BTBD6: variants seen among roughly 807,000 people sequenced by gnomAD.
The protein encoded by BTBD6 is BTB domain containing 6, also known as BTB/POZ domain-containing protein 6.
A neutral mutation model predicts 40.6 loss-of-function variants in BTBD6; 30 were observed. The ratio of observed to expected loss-of-function variants is 0.74; its 90% CI spans 0.55 to 1.00. The LOEUF is 1.00. BTBD6 is among the 50% of genes least tolerant of loss of function. The pLI is 0.00. For missense variants in BTBD6, 698 were observed against 694.6 expected (o/e 1.00, Z -0.06); for synonymous variants, 378 against 308.7 (o/e 1.22, Z -2.35).
Position 105,249,029 on chromosome 14 carries a change from CA to C in BTBD6, c.320del (p.Asn107ThrfsTer85). Reference protein sequence around the residue: ...PPAPAPPTLGNNHQESPGWRC... With the variant: ...PPAPAPPTLGXNHQESPGWRC... ...CCGCGCCCGCGCCGCCCACACTCGG[CA>C]ACAACCACCAGGAGAGCCCCGGCTG... is the stretch of plus-strand genomic sequence containing the variant. On this transcript the variant is annotated frameshift_variant, in exon 1 of 4. Transcript: ENST00000392554. LOFTEE classifies it high-confidence loss of function. The C allele has an allele frequency of 2.5e-6, 3 of 1,190,200 alleles. No individual in the cohort carries two copies. The highest frequency in any genetic ancestry group is 3.1e-6 in the Non-Finnish European group (3 of 964,224). 73.7% of individuals were successfully genotyped at this position (1,190,200 alleles called of 1,614,324 possible). A position where few individuals can be genotyped will look rare whatever the true frequency, so the allele number is the denominator to read the frequency against.
chr14:105,249,277 G>T (rs1171751384), intron 2 of BTBD6, 30 bp downstream of exon 2: 12 of 1,564,594 alleles, frequency 7.7e-6, no homozygotes, highest in South Asian at 1.1e-5. Context: ...CTCGGAACGC[G>T]TGCCCCGTCC....
At position 105,249,701 on chromosome 14, in the gene BTBD6, G is replaced by A; in HGVS notation, c.646G>A (p.Ala216Thr). Residue 216 changes from alanine (A) to threonine (T), a missense_variant, in exon 4 of 4, where the codon GCT (alanine) becomes ACT (threonine). Coordinates refer to ENST00000392554, the MANE Select transcript of BTBD6 (RefSeq NM_001387567.1). ...ADTVLATLYAAKKYIVPALAK... is the reference protein window; with the variant it reads ...ADTVLATLYATKKYIVPALAK... ...CACGGTGCTGGCCACTCTGTACGCT[G>A]CTAAGAAGTACATCGTCCCAGCATT... The A allele has an allele frequency of 1.2e-6, 2 of 1,613,760 alleles. No individual in the cohort carries two copies. Among genetic ancestry groups the A allele is most frequent in the East Asian group, 2.2e-5 (1 of 44,890 alleles).
In BTBD6 at chr14:105,248,563, ACGGGCTCGGGCGGG is replaced by A. The variant is rs1452837791; in HGVS notation, c.-143_-130del. The A allele has an allele frequency of 1.5e-5, 4 of 263,628 alleles. No homozygotes were observed. Among genetic ancestry groups the A allele is most frequent in the African/African-American group, 5.0e-5 (1 of 20,108 alleles). The allele number at this position is 263,628 out of a possible 1,614,324, so 16.3% of individuals were successfully genotyped here. A position where few individuals can be genotyped will look rare whatever the true frequency, so the allele number is the denominator to read the frequency against. ...GTGACGCACCGGCGCCGCGGCGGGT[ACGGGCTCGGGCGGG>A]CGGGCGGGCGGGACGGCGCCCCCCG... On this transcript the variant is annotated 5_prime_UTR_variant, in exon 1 of 4. Transcript: ENST00000392554.
Position 105,250,797 on chromosome 14 carries a change from G to A in BTBD6, c.*125G>A, listed in dbSNP as rs999768628. The A allele has an allele frequency of 6.8e-6, 7 of 1,034,094 alleles. No homozygotes were observed. Among genetic ancestry groups the A allele is most frequent in the Non-Finnish European group, 9.8e-6 (7 of 715,456 alleles). The allele number at this position is 1,034,094 out of a possible 1,614,324, so 64.1% of individuals were successfully genotyped here. On this transcript the variant is annotated 3_prime_UTR_variant, in exon 4 of 4. Transcript: ENST00000392554. ...TCTCTTTGACATGTAGTCAGCTGAAGCTTGACTGTGTAGAGACATTTTCCA... is the reference window on the plus strand; with the variant it reads ...TCTCTTTGACATGTAGTCAGCTGAAACTTGACTGTGTAGAGACATTTTCCA...
At chr14:105,249,613 C>T (rs765335615) in intron 3 of BTBD6, 27 bp from the exon 4 acceptor site, 4 of 1,592,076 alleles carry the variant, frequency 2.5e-6, no homozygotes, top group South Asian at 1.1e-5. Flanking sequence ...GGGAGCCAGC[C>T]CCTGACGCGG....
rs753336338 is a variant in BTBD6, at chr14:105,249,493, C to T, written c.584+15C>T. On this transcript the variant is annotated intron_variant, in intron 3 of 3. Transcript: ENST00000392554. The stretch of plus-strand genomic sequence containing the variant: ...ATCCTCTTAAAGTAAGTCCACTCTA[C>T]TGGGGAGGGACGGGTGGGTCCGTTT... 2 of 1,019,028 alleles carry T rather than the reference C, an allele frequency of 2.0e-6. No individual in the cohort carries two copies. The highest frequency in any genetic ancestry group is 1.5e-6 in the Non-Finnish European group (1 of 678,882). 63.1% of individuals were successfully genotyped at this position (1,019,028 alleles called of 1,614,324 possible).
At position 105,249,671 on chromosome 14, in the gene BTBD6, G is replaced by C; in HGVS notation, c.616G>C (p.Ala206Pro). The C allele has an allele frequency of 6.2e-7, 1 of 1,613,068 alleles. No individual in the cohort carries two copies. The highest frequency in any genetic ancestry group is 1.3e-5 in the African/African-American group (1 of 75,052). The change falls in exon 4 of 4, where the codon GCC (alanine) becomes CCC (proline). Residue 206 changes from alanine to proline, a missense_variant. Transcript: ENST00000392554. ...GTACAGTGATGAGATCGATCTGGAAGCCGACACGGTGCTGGCCACTCTGTA... is the reference window on the plus strand; with the variant it reads ...GTACAGTGATGAGATCGATCTGGAACCCGACACGGTGCTGGCCACTCTGTA... ...YMYSDEIDLE[A>P]DTVLATLYAA...
Position 105,249,356 on chromosome 14 carries a change from C to T in BTBD6, c.466-4C>T, listed in dbSNP as rs1263750580. On this transcript the variant is annotated splice_region_variant and splice_polypyrimidine_tract_variant and intron_variant, in intron 2 of 3. Transcript: ENST00000392554. ...AGGCTCACGGCGGCGCTTTCTCCTC[C>T]CAGTACGTCTTGGCTGTCGGCAGCT... is the stretch of plus-strand genomic sequence containing the variant. 1.9e-6 allele frequency: 3 copies of T among 1,610,118 alleles called. No individual in the cohort carries two copies. In the South Asian group the frequency reaches 3.3e-5, roughly 18 times the overall value.
In BTBD6 at chr14:105,248,956, C is replaced by CCGGGCCGCG. The variant is rs2055363566; in HGVS notation, c.247_255dup (p.Gly83_Arg85dup). Reference sequence around the variant, plus strand: ...GCCGGCGCCGCCGTGGGCAGGAAGGCCGGGCCGCGCAGCCCGCCCAGCGCC... The same window carrying CCGGGCCGCG: ...GCCGGCGCCGCCGTGGGCAGGAAGGCCGGGCCGCGCGGGCCGCGCAGCCCGCCCAGCGCC... On this transcript the variant is annotated inframe_insertion, in exon 1 of 4. Coordinates refer to ENST00000392554, the MANE Select transcript of BTBD6 (RefSeq NM_001387567.1). 1 of 980,032 alleles carries CCGGGCCGCG rather than the reference C, an allele frequency of 1.0e-6. No homozygotes were observed. Among genetic ancestry groups the CCGGGCCGCG allele is most frequent in the African/African-American group, 1.8e-5 (1 of 56,248 alleles). 60.7% of individuals were successfully genotyped at this position (980,032 alleles called of 1,614,324 possible).
Position 105,250,092 on chromosome 14 carries a change from T to C in BTBD6, c.1037T>C (p.Phe346Ser), listed in dbSNP as rs767685042. The C allele has an allele frequency of 2.5e-6, 4 of 1,612,964 alleles. No individual in the cohort carries two copies. Among genetic ancestry groups the C allele is most frequent in the Non-Finnish European group, 3.4e-6 (4 of 1,180,028 alleles). Reference protein sequence around the residue: ...VRIPTMTLEEFANGAAQSDIL... With the variant: ...VRIPTMTLEESANGAAQSDIL... ...ATTCCAACCATGACCCTAGAGGAGTTTGCCAACGGCGCTGCCCAGTCAGAC... is the reference window on the plus strand; with the variant it reads ...ATTCCAACCATGACCCTAGAGGAGTCTGCCAACGGCGCTGCCCAGTCAGAC... Residue 346 changes from phenylalanine to serine, a missense_variant, in exon 4 of 4, where the codon TTT (phenylalanine) becomes TCT (serine). Transcript: ENST00000392554.
At chr14:105,249,278 TGCCCCGTCC>T (rs753452209) in intron 2 of BTBD6, 31 bp downstream of exon 2, 1,965 of 1,564,942 alleles carry the variant, frequency 1.3e-3, no homozygotes, top group Non-Finnish European at 1.6e-3. Context: ...TCGGAACGCG[TGCCCCGTCC>T]GCCCCGTCCG....
intron 1 of BTBD6, 31 bp from the exon 2 acceptor site, chr14:105,249,126 A>ACGCCCC (rs917166787): frequency 6.6e-7 from 1 of 1,519,620 alleles, no homozygotes; most frequent in Non-Finnish European, 8.8e-7. Flanking sequence ...GCGCGCGCCC[A>ACGCCCC]CGCCCCCAGC....
In BTBD6 at chr14:105,250,297, G is replaced by A. The variant is rs1282642589; in HGVS notation, c.1242G>A (p.Gln414=). The A allele has an allele frequency of 6.2e-7, 1 of 1,613,248 alleles. No individual in the cohort carries two copies. The highest frequency in any genetic ancestry group is 1.6e-4 in the Middle Eastern group (1 of 6,062). ...ACCGCGGGCGCTGCGACAGCATCCA[G>A]TTTGCAGTGGACAGAAGGGTATTTA... ...WRYRGRCDSI[Q]FAVDRRVFIA... The change falls in exon 4 of 4, where the codon CAG becomes CAA. Residue 414 remains glutamine (Q), a synonymous_variant. Transcript: ENST00000392554.
At position 105,249,802 on chromosome 14, in the gene BTBD6, G is replaced by C; in HGVS notation, c.747G>C (p.Arg249=). ...CCTGCGTCCTGCTGTCCCAGAGCCG[G>C]CTGTTTGAGGAGCCCGAGCTGACGC... is the stretch of plus-strand genomic sequence containing the variant. ...KNACVLLSQS[R]LFEEPELTQR... Residue 249 remains arginine (R), a synonymous_variant, in exon 4 of 4, where the codon CGG becomes CGC. Transcript: ENST00000392554. The C allele has an allele frequency of 6.2e-7, 1 of 1,613,782 alleles. No homozygotes were observed. The highest frequency in any genetic ancestry group is 1.1e-5 in the South Asian group (1 of 91,084).
In BTBD6 at chr14:105,248,817, C is replaced by T. The variant is rs1421666252; in HGVS notation, c.106C>T (p.Arg36Trp). 1.0e-6 allele frequency: 1 copy of T among 985,910 alleles called. No homozygotes were observed. The highest frequency in any genetic ancestry group is 1.2e-6 in the Non-Finnish European group (1 of 831,862). The allele number at this position is 985,910 out of a possible 1,614,324, so 61.1% of individuals were successfully genotyped here. ...LPRPRRGARA[R>W]GAASTGAEAA... ...GAGGCCCCGGCGCGGCGCGAGGGCG[C>T]GGGGCGCGGCGTCCACAGGCGCCGA... is the stretch of plus-strand genomic sequence containing the variant. The change falls in exon 1 of 4, where the codon CGG becomes TGG. Residue 36 changes from arginine to tryptophan, a missense_variant. By Grantham distance (101) the Arg-to-Trp change is moderately radical. Transcript: ENST00000392554.
At chr14:105,249,554 C>T (rs755414103) in intron 3 of BTBD6, 76 bp downstream of exon 3, 9 of 1,592,476 alleles carry the variant, frequency 5.7e-6, no homozygotes, top group Non-Finnish European at 7.7e-6. Context: ...GGGAAGCACA[C>T]AGGAGCTGAT....
chr14:105,249,139 G>C lies in BTBD6; in HGVS notation c.375-18G>C. The C allele has an allele frequency of 1.3e-6, 2 of 1,556,268 alleles. No homozygotes were observed. Among genetic ancestry groups the C allele is most frequent in the Non-Finnish European group, 1.7e-6 (2 of 1,158,128 alleles). On this transcript the variant is annotated intron_variant, in intron 1 of 3. Coordinates refer to ENST00000392554, the MANE Select transcript of BTBD6 (RefSeq NM_001387567.1). ...CCGCGCGCGCCCACGCCCCCAGCCC[G>C]TGCCTCTACCTTTGCAGGAACGCGC...
At position 105,249,197 on chromosome 14, in the gene BTBD6, C is replaced by A; in HGVS notation, c.415C>A (p.His139Asn). ...CAACAACGAGCTCATGGCCGACGTG[C>A]ACTTCGTCGTGGGGCCCCCGGGGGC... Reference protein sequence around the residue: ...MFNNELMADVHFVVGPPGATR... With the variant: ...MFNNELMADVNFVVGPPGATR... The change falls in exon 2 of 4, where the codon CAC becomes AAC. Residue 139 changes from histidine (H) to asparagine (N), a missense_variant. Coordinates refer to ENST00000392554, the MANE Select transcript of BTBD6 (RefSeq NM_001387567.1). 6.3e-7 allele frequency: 1 copy of A among 1,588,960 alleles called. No individual in the cohort carries two copies. The highest frequency in any genetic ancestry group is 1.7e-5 in the Admixed American group (1 of 58,638).
Position 105,249,017 on chromosome 14 carries a change from G to A in BTBD6, c.306G>A (p.Pro102=). 1 of 1,129,202 alleles carries A rather than the reference G, an allele frequency of 8.9e-7. No individual in the cohort carries two copies. Among genetic ancestry groups the A allele is most frequent in the Non-Finnish European group, 1.1e-6 (1 of 924,386 alleles). 69.9% of individuals were successfully genotyped at this position (1,129,202 alleles called of 1,614,324 possible). ...APAPPPPAPA[P]PTLGNNHQES... The stretch of plus-strand genomic sequence containing the variant: ...CGCCGCCGCCGCCCGCGCCCGCGCC[G>A]CCCACACTCGGCAACAACCACCAGG... Residue 102 remains proline (P), a synonymous_variant, in exon 1 of 4, where the codon CCG becomes CCA. Coordinates refer to ENST00000392554, the MANE Select transcript of BTBD6 (RefSeq NM_001387567.1).
Sources: allele counts gnomAD v4.1 joint callset, GRCh38; gene constraint gnomAD v4.1.1; transcripts MANE v1.5; gene names NCBI Gene and HGNC (gene_info 2026-07-23, HGNC 2026-07-21).